The following PCDH15 variants were observed in gnomAD, a reference collection of about 807,000 sequenced individuals.
PCDH15 encodes protocadherin related 15.
PCDH15 carries 129 observed loss-of-function variants against 178.5 expected under a neutral mutation model. That is an observed-to-expected ratio of 0.72 (90% CI 0.63 to 0.84). The LOEUF is 0.84. Ranked by LOEUF, PCDH15 falls within the 40% of genes least tolerant of loss-of-function variation. The pLI is 0.00. For synonymous variants in PCDH15, 800 were observed against 732.0 expected (o/e 1.09, Z -1.50); for missense variants, 2,230 against 2,099.9 (o/e 1.06, Z -1.21).
chr10:54,968,037 G>C (rs188436680), intron 2 of PCDH15, among the ~76,000 whole-genome samples: 29 of 152,196 alleles, frequency 1.9e-4, no homozygotes, highest in Admixed American at 4.6e-4. Flanking sequence ...TTTAACATAC[G>C]CATTTTGGGG....
chr10:55,026,814 T>C (rs1591843429), intron 2 of PCDH15, among the ~76,000 whole-genome samples: 1 of 152,008 alleles, frequency 6.6e-6, no homozygotes, highest in South Asian at 2.1e-4. Flanking sequence ...TAATAGCCAG[T>C]TAGAAGAAGT....
chr10:54,511,921 T>A (rs1042173965), intron 3 of PCDH15, among the ~76,000 whole-genome samples: 15 of 152,050 alleles, frequency 9.9e-5, no homozygotes, highest in African/African-American at 3.4e-4. Flanking sequence ...TGAAGCCCAG[T>A]TGGACACTAA....
intron 3 of PCDH15, among the ~76,000 whole-genome samples, chr10:54,808,080 A>G (rs1236254379): frequency 6.6e-6 from 1 of 152,176 alleles, no homozygotes; most frequent in Admixed American, 6.5e-5. Flanking sequence ...GCATTTATCT[A>G]AATATTATCT....
At chr10:54,511,326 G>C (rs778771718) in intron 3 of PCDH15, among the ~76,000 whole-genome samples, 5 of 152,058 alleles carry the variant, frequency 3.3e-5, no homozygotes, top group Non-Finnish European at 7.4e-5. Context: ...TGTCCCCATG[G>C]ACTCTAATTT....
intron 2 of PCDH15, among the ~76,000 whole-genome samples, chr10:55,163,908 C>T (rs1439774213): frequency 2.6e-5 from 4 of 152,156 alleles, no homozygotes; most frequent in Admixed American, 6.6e-5. Context: ...GTTAAGTATA[C>T]TCAGTTAAGC....
At chr10:54,517,430 A>AC (rs1159164183) in intron 3 of PCDH15, among the ~76,000 whole-genome samples, 1 of 152,164 alleles carries the variant, frequency 6.6e-6, no homozygotes, top group East Asian at 1.9e-4. Context: ...GATAAAACAG[A>AC]CTTTAAACCA....
At chr10:55,570,368 C>T (rs1311367145) in intron 2 of PCDH15, among the ~76,000 whole-genome samples, 1 of 151,862 alleles carries the variant, frequency 6.6e-6, no homozygotes, top group Non-Finnish European at 1.5e-5. Flanking sequence ...GTGTCTAATA[C>T]AACACTGGAT....
intron 8 of PCDH15, among the ~76,000 whole-genome samples, chr10:54,272,325 C>G (rs1275302338): frequency 1.3e-5 from 2 of 151,766 alleles, no homozygotes; most frequent in African/African-American, 4.8e-5. Context: ...GTACAGCTAT[C>G]AAATCATTCA....
At chr10:55,322,208 C>G (rs1843918984), upstream of PCDH15, among the ~76,000 whole-genome samples, 1 of 152,176 alleles carries the variant, frequency 6.6e-6, no homozygotes, top group African/African-American at 2.4e-5. Context: ...GATCTCTTGC[C>G]TGCTACCATG....
At chr10:53,814,838 C>G (rs1209739579) in intron 35 of PCDH15, among the ~76,000 whole-genome samples, 1 of 152,048 alleles carries the variant, frequency 6.6e-6, no homozygotes, top group Non-Finnish European at 1.5e-5. Context: ...GTGGCACACG[C>G]CTGTAATCCC....
rs540899931 is a variant in PCDH15, at chr10:54,798,266, C to G, written c.-29+2659G>C. Among the ~76,000 whole-genome samples, 13 of 152,030 alleles carry G rather than the reference C, an allele frequency of 8.6e-5. No individual in the cohort carries two copies. In the South Asian group the frequency reaches 2.7e-3, roughly 32 times the overall value. On this transcript the variant is annotated intron_variant, in intron 1 of 37. Coordinates refer to ENST00000644397, the MANE Select transcript of PCDH15 (RefSeq NM_001384140.1). ...CCTTCCAATACCCTTGGATGCAACT[C>G]AGTCATATTTGAGTCTGAAACTAAT...
chr10:54,760,377 T>A (rs577353935), intron 1 of PCDH15, among the ~76,000 whole-genome samples: 46 of 152,152 alleles, frequency 3.0e-4, no homozygotes, highest in African/African-American at 9.4e-4. Flanking sequence ...ACATATATAT[T>A]TTTTTTATCA....
At chr10:54,484,464 A>G (rs1376072230) in intron 3 of PCDH15, among the ~76,000 whole-genome samples, 2 of 151,948 alleles carry the variant, frequency 1.3e-5, no homozygotes, top group Admixed American at 6.6e-5. Context: ...AATACTTAAA[A>G]GAAAATACTG....
intron 3 of PCDH15, among the ~76,000 whole-genome samples, chr10:54,397,328 G>A (rs73251611): frequency 0.026 from 4,007 of 152,122 alleles, 169 homozygotes; most frequent in African/African-American, 0.089. Flanking sequence ...TGGATAATAG[G>A]AGCCTAAATT....
chr10:54,542,402 A>T (rs1324263957), intron 2 of PCDH15, among the ~76,000 whole-genome samples: 1 of 152,178 alleles, frequency 6.6e-6, no homozygotes, highest in Non-Finnish European at 1.5e-5. Flanking sequence ...TTATTTTCTT[A>T]TTCCTTGTCA....
At chr10:55,411,573 T>G (rs1838333784) in intron 2 of PCDH15, among the ~76,000 whole-genome samples, 3 of 152,124 alleles carry the variant, frequency 2.0e-5, no homozygotes, top group South Asian at 4.1e-4. Flanking sequence ...GAAAATGCAT[T>G]AAGATGTCAT....
At chr10:55,402,582 T>C (rs1188361105) in intron 2 of PCDH15, among the ~76,000 whole-genome samples, 1 of 152,060 alleles carries the variant, frequency 6.6e-6, no homozygotes, top group Non-Finnish European at 1.5e-5. Flanking sequence ...TTTTTGTCTT[T>C]CTGTGCCTGG....
chr10:53,902,323 C>T (rs1305312753), intron 26 of PCDH15, among the ~76,000 whole-genome samples: 1 of 151,966 alleles, frequency 6.6e-6, no homozygotes, highest in Non-Finnish European at 1.5e-5. Context: ...GGTGATAAAA[C>T]TACACGTAAG....
intron 1 of PCDH15, among the ~76,000 whole-genome samples, chr10:54,758,363 C>G (rs552162685): frequency 6.6e-6 from 1 of 152,256 alleles, no homozygotes; most frequent in Admixed American, 6.5e-5. Context: ...CAGCCAGCCA[C>G]AAGATCATGA....
Sources: gnomAD v4.1 joint callset for allele counts (sites outside exome capture counted in the v4.1 genomes callset) on GRCh38, gnomAD v4.1.1 for gene constraint, MANE v1.5 for transcripts, NCBI Gene and HGNC (gene_info 2026-07-23, HGNC 2026-07-21) for gene names.